Variants in GALK2 observed in about 807,000 individuals in gnomAD.
GALK2 encodes N-acetylgalactosamine kinase.
Under a neutral mutation model 52.4 loss-of-function variants are expected in GALK2, and 36 were observed. That is an observed-to-expected ratio of 0.69 (90% confidence interval 0.53 to 0.91). GALK2 has a LOEUF of 0.91. Among genes scored for constraint, GALK2 ranks in the 40% least tolerant of loss-of-function variants. The pLI is 0.00. For synonymous variants in GALK2, 176 were observed against 199.1 expected, an observed-to-expected ratio of 0.88 and a Z score of 0.98; for missense variants, 579 against 559.1, an observed-to-expected ratio of 1.04 and a Z score of -0.36.
At chr15:49,229,736 G>A (rs1022344533) in intron 3 of GALK2, among the ~76,000 whole-genome samples, 1 of 152,186 alleles carries the variant, frequency 6.6e-6, no homozygotes, top group African/African-American at 2.4e-5. Flanking sequence ...GGTGGCAGTG[G>A]CTGTGATGTG....
At chr15:49,296,746 C>T (rs1441098784) in intron 8 of GALK2, among the ~76,000 whole-genome samples, 5 of 152,042 alleles carry the variant, frequency 3.3e-5, no homozygotes, top group Non-Finnish European at 7.4e-5. Flanking sequence ...GTTATAGGCA[C>T]CTGCCACTAC....
intron 4 of GALK2, 59 bp from the exon 5 acceptor site, chr15:49,239,162 T>TTCAC: frequency 6.7e-7 from 1 of 1,485,924 alleles, no homozygotes; most frequent in Non-Finnish European, 9.4e-7. Flanking sequence ...GAAAGAAGCT[T>TTCAC]TCACTACTCC....
rs760371241 is a variant in GALK2 at position 49,235,847 on chromosome 15, G to C, written c.267-4G>C. ...TAAATTAATGGTGTCTTTTGTCTTC[G>C]CAGGGACTTCAGTACTAGTGCTAAT... On this transcript the variant is annotated splice_region_variant and splice_polypyrimidine_tract_variant and intron_variant, in intron 3 of 9. Coordinates refer to ENST00000560031, the MANE Select transcript of GALK2 (RefSeq NM_002044.4). 32 of 1,601,984 alleles carry C rather than the reference G, an allele frequency of 2.0e-5. No homozygotes were observed. Among genetic ancestry groups the C allele is most frequent in the Non-Finnish European group, 2.6e-5 (31 of 1,170,050 alleles).
At chr15:49,350,744 T>C (rs929363934) in intron 3 of GALK2, among the ~76,000 whole-genome samples, 1 of 152,186 alleles carries the variant, frequency 6.6e-6, no homozygotes, top group Non-Finnish European at 1.5e-5. Flanking sequence ...CACAGGAAGC[T>C]TCTCTCTTAT....
intron 3 of GALK2, among the ~76,000 whole-genome samples, chr15:49,363,599 T>C (rs1421633209): frequency 6.6e-6 from 1 of 152,170 alleles, no homozygotes; most frequent in Non-Finnish European, 1.5e-5. Context: ...TCTGTTCTTA[T>C]TTGAATGCCT....
Position 49,241,499 on chromosome 15 carries a change from C to G in GALK2, c.504+2132C>G, listed in dbSNP as rs567100220. On this transcript the variant is annotated intron_variant, in intron 5 of 9. Coordinates refer to ENST00000560031, the MANE Select transcript of GALK2 (RefSeq NM_002044.4). ...TTCATGAAAGGAGTGGTAGTGTTGT[C>G]ATATGCTTCTGAGAGGTTACCACAA... 3.9e-5 allele frequency among the ~76,000 whole-genome samples: 6 copies of G among 152,286 alleles called. No individual in the cohort carries two copies. In the South Asian group the frequency reaches 1.2e-3, roughly 32 times the overall value.
chr15:49,362,134 G>C (rs2044348689), intron 3 of GALK2, among the ~76,000 whole-genome samples: 1 of 151,908 alleles, frequency 6.6e-6, no homozygotes, highest in African/African-American at 2.4e-5. Flanking sequence ...TATTAACATA[G>C]TTTGGCTCTG....
At chr15:49,350,609 G>T (rs942937798) in intron 3 of GALK2, among the ~76,000 whole-genome samples, 1 of 152,070 alleles carries the variant, frequency 6.6e-6, no homozygotes, top group Non-Finnish European at 1.5e-5. Flanking sequence ...AAGAACAAAT[G>T]GTTCATCTCT....
chr15:49,365,566 G>C, intron 3 of GALK2: 2 of 891,952 alleles, frequency 2.2e-6, no homozygotes, highest in Admixed American at 3.4e-5. Context: ...AGGTCCAGCT[G>C]CAAGTTTAAC....
chr15:49,271,578 C>T (rs1298793016), intron 5 of GALK2, among the ~76,000 whole-genome samples: 2 of 152,176 alleles, frequency 1.3e-5, no homozygotes, highest in East Asian at 3.8e-4. Context: ...GGCTTTGCCA[C>T]TTACTAGCTG....
At chr15:49,188,655 T>G (rs549126481) in intron 1 of GALK2, among the ~76,000 whole-genome samples, 8 of 152,352 alleles carry the variant, frequency 5.3e-5, no homozygotes, top group Admixed American at 4.6e-4. Context: ...AGATAGTTGT[T>G]CAACTTGGTA....
At chr15:49,175,182 A>G (rs567460952) in intron 1 of GALK2, among the ~76,000 whole-genome samples, 2 of 152,340 alleles carry the variant, frequency 1.3e-5, no homozygotes, top group South Asian at 4.1e-4. Flanking sequence ...TTTGGCTCAC[A>G]TAACAAGGTG....
chr15:49,162,318 T>C (rs1326068716), intron 1 of GALK2, among the ~76,000 whole-genome samples: 3 of 152,234 alleles, frequency 2.0e-5, no homozygotes, highest in Non-Finnish European at 4.4e-5. Flanking sequence ...ATGTATCAGT[T>C]GGTTGTTTCT....
chr15:49,277,526 G>C (rs1451577060), intron 5 of GALK2, among the ~76,000 whole-genome samples: 1 of 147,720 alleles, frequency 6.8e-6, no homozygotes, highest in South Asian at 2.2e-4. Flanking sequence ...GGCCGGGCGC[G>C]GTGGCTCACG....
intron 8 of GALK2, among the ~76,000 whole-genome samples, chr15:49,312,410 T>A (rs940218745): frequency 6.6e-6 from 1 of 152,188 alleles, no homozygotes; most frequent in East Asian, 1.9e-4. Context: ...TCAGATTCTA[T>A]GTTCTTCAGC....
chr15:49,233,497 T>G (rs547785785), intron 3 of GALK2, among the ~76,000 whole-genome samples: 2 of 152,332 alleles, frequency 1.3e-5, no homozygotes, highest in Non-Finnish European at 2.9e-5. Context: ...GCAACTATCC[T>G]CCTCTTTTTC....
intron 9 of GALK2, among the ~76,000 whole-genome samples, chr15:49,326,466 G>T (rs1043229547): frequency 6.6e-6 from 1 of 151,938 alleles, no homozygotes; most frequent in Non-Finnish European, 1.5e-5. Flanking sequence ...TGGTCAGGCT[G>T]GTCTCAAACT....
At chr15:49,352,469 T>C (rs916331820) in intron 3 of GALK2, among the ~76,000 whole-genome samples, 14 of 152,194 alleles carry the variant, frequency 9.2e-5, no homozygotes, top group Admixed American at 8.5e-4. Context: ...GAAATCCTTG[T>C]AGGGTATTGG....
intron 3 of GALK2, among the ~76,000 whole-genome samples, chr15:49,231,707 A>G (rs1229736411): frequency 6.6e-6 from 1 of 152,258 alleles, no homozygotes; most frequent in Admixed American, 6.5e-5. Context: ...AAATTAGCCA[A>G]AAGAAAGGGG....
Sources: gnomAD v4.1 joint callset for allele counts (sites outside exome capture counted in the v4.1 genomes callset) on GRCh38, gnomAD v4.1.1 for gene constraint, MANE v1.5 for transcripts, NCBI Gene and HGNC (gene_info 2026-07-23, HGNC 2026-07-21) for gene names.